NALF1: variants seen among roughly 807,000 people sequenced by gnomAD.
The protein encoded by NALF1 is NALCN channel auxiliary factor 1.
A neutral mutation model predicts 48.4 loss-of-function variants in NALF1; 3 were observed. The ratio of observed to expected loss-of-function variants is 0.06; its 90% CI spans 0.03 to 0.16. The LOEUF is 0.16. NALF1 is among the 10% of genes least tolerant of loss of function. The pLI is 1.00. For missense variants in NALF1, 526 were observed against 571.5 expected (o/e 0.92, Z 0.81); for synonymous variants, 262 against 245.7 (o/e 1.07, Z -0.62).
At chr13:107,262,496 C>T (rs932976172) in intron 1 of NALF1, among the ~76,000 whole-genome samples, 1 of 152,104 alleles carries the variant, frequency 6.6e-6, no homozygotes, top group African/African-American at 2.4e-5. Flanking sequence ...ATACATCAAA[C>T]CAAAACAATA....
chr13:107,271,774 CTATATATATATA>C (rs397838456), intron 1 of NALF1, among the ~76,000 whole-genome samples: 47 of 27,620 alleles, frequency 1.7e-3, no homozygotes, highest in African/African-American at 3.9e-3. Context: ...TGCTACTGGA[CTATATATATATA>C]TATATATATA....
intron 1 of NALF1, among the ~76,000 whole-genome samples, chr13:107,687,239 C>T (rs947420197): frequency 6.6e-5 from 10 of 151,912 alleles, no homozygotes; most frequent in African/African-American, 2.2e-4. Context: ...TAAGTGGGAG[C>T]TCAAGAGTGG....
intron 1 of NALF1, among the ~76,000 whole-genome samples, chr13:107,702,150 C>T (rs779245088): frequency 1.4e-4 from 21 of 151,984 alleles, no homozygotes; most frequent in Non-Finnish European, 1.6e-4. Flanking sequence ...ATCGAGAGTA[C>T]GGAACTTTGG....
chr13:107,675,606 T>C (rs1881098731), intron 1 of NALF1, among the ~76,000 whole-genome samples: 1 of 152,202 alleles, frequency 6.6e-6, no homozygotes, highest in African/African-American at 2.4e-5. Flanking sequence ...GATATCATGC[T>C]GGCATTAACT....
At chr13:107,672,861 T>C (rs1179304964) in intron 1 of NALF1, among the ~76,000 whole-genome samples, 1 of 152,126 alleles carries the variant, frequency 6.6e-6, no homozygotes, top group Non-Finnish European at 1.5e-5. Flanking sequence ...ACGATGCTCA[T>C]CAATGTTTGA....
intron 1 of NALF1, among the ~76,000 whole-genome samples, chr13:107,390,007 G>C (rs1196442540): frequency 1.3e-5 from 2 of 151,946 alleles, no homozygotes; most frequent in Non-Finnish European, 2.9e-5. Context: ...TCTCAATATA[G>C]CTATATCTAC....
intron 1 of NALF1, among the ~76,000 whole-genome samples, chr13:107,780,563 A>T (rs1877859395): frequency 6.6e-6 from 1 of 150,644 alleles, no homozygotes; most frequent in Admixed American, 6.6e-5. Context: ...CAATGATGTG[A>T]TCTCGGCTCA....
In NALF1 at chr13:107,303,117, T is replaced by G. The variant is rs576668581; in HGVS notation, c.916-92362A>C. ...TATGAAGTGGTGCCTCACTGTCATTTTTATTCGACTTCCCTAATGTCTGAT... is the reference window on the plus strand; with the variant it reads ...TATGAAGTGGTGCCTCACTGTCATTGTTATTCGACTTCCCTAATGTCTGAT... On this transcript the variant is annotated intron_variant, in intron 1 of 2. Coordinates refer to ENST00000375915, the MANE Select transcript of NALF1 (RefSeq NM_001080396.3). Among the ~76,000 whole-genome samples, 133 of 152,320 alleles carry G rather than the reference T, an allele frequency of 8.7e-4. 1 individual carries two copies. The highest frequency in any genetic ancestry group is 3.0e-3 in the African/African-American group (123 of 41,568).
chr13:107,395,919 C>T (rs986988277), intron 1 of NALF1, among the ~76,000 whole-genome samples: 5 of 151,992 alleles, frequency 3.3e-5, no homozygotes, highest in Non-Finnish European at 7.4e-5. Context: ...TCTTTAGAGA[C>T]CCTATCTACA....
At chr13:107,319,897 A>C (rs72650534) in intron 1 of NALF1, among the ~76,000 whole-genome samples, 6,905 of 152,198 alleles carry the variant, frequency 0.045, 235 homozygotes, top group East Asian at 0.19. Flanking sequence ...AGCCACCACT[A>C]ATCTAACGAG....
chr13:107,423,017 C>G (rs1308674490), intron 1 of NALF1, among the ~76,000 whole-genome samples: 1 of 152,124 alleles, frequency 6.6e-6, no homozygotes, highest in Non-Finnish European at 1.5e-5. Context: ...CTATTGTGAC[C>G]TTCTGGCCTC....
chr13:107,227,892 C>A (rs1486634115), intron 1 of NALF1, among the ~76,000 whole-genome samples: 2 of 152,146 alleles, frequency 1.3e-5, no homozygotes, highest in African/African-American at 2.4e-5. Flanking sequence ...ATAATCAAGT[C>A]TAACAAGACT....
intron 2 of NALF1, among the ~76,000 whole-genome samples, chr13:107,192,535 G>A (rs1437937280): frequency 6.6e-6 from 1 of 152,138 alleles, no homozygotes; most frequent in African/African-American, 2.4e-5. Context: ...TACATCAAAG[G>A]TTAGTCTTAG....
intron 1 of NALF1, among the ~76,000 whole-genome samples, chr13:107,340,444 C>T (rs976998722): frequency 7.4e-6 from 1 of 134,242 alleles, no homozygotes; most frequent in Non-Finnish European, 1.6e-5. Context: ...CCTGACCTTT[C>T]TCTTTCTTTC....
chr13:107,535,738 T>C (rs1369483188), intron 1 of NALF1, among the ~76,000 whole-genome samples: 6 of 152,298 alleles, frequency 3.9e-5, no homozygotes, highest in Non-Finnish European at 5.9e-5. Context: ...TTAAAGTTTA[T>C]ATGGAACCAA....
intron 1 of NALF1, among the ~76,000 whole-genome samples, chr13:107,776,257 C>T (rs1182933212): frequency 6.6e-6 from 1 of 152,132 alleles, no homozygotes; most frequent in Non-Finnish European, 1.5e-5. Context: ...TCTAGTCCTG[C>T]TCCATCTCTC....
intron 1 of NALF1, among the ~76,000 whole-genome samples, chr13:107,455,157 G>A (rs1394369798): frequency 6.6e-6 from 1 of 152,040 alleles, no homozygotes; most frequent in African/African-American, 2.4e-5. Flanking sequence ...ATGTAAGATG[G>A]TGCCTGCTTC....
At chr13:107,331,993 A>T (rs1305088644) in intron 1 of NALF1, among the ~76,000 whole-genome samples, 1 of 152,176 alleles carries the variant, frequency 6.6e-6, no homozygotes, top group Non-Finnish European at 1.5e-5. Context: ...TTGAAAATAG[A>T]TTCATAAAAT....
chr13:107,634,655 G>A lies in NALF1; in HGVS notation c.915+231027C>T, dbSNP rs750317084. ...GAAATGATATGAAAACAGATGGAAAGGTAGTGGGTTTTTTCCACATTTCAG... is the reference window on the plus strand; with the variant it reads ...GAAATGATATGAAAACAGATGGAAAAGTAGTGGGTTTTTTCCACATTTCAG... On this transcript the variant is annotated intron_variant, in intron 1 of 2. Coordinates refer to ENST00000375915, the MANE Select transcript of NALF1 (RefSeq NM_001080396.3). Among the ~76,000 whole-genome samples, 84 of 152,006 alleles carry A rather than the reference G, an allele frequency of 5.5e-4. 1 individual carries two copies. The highest frequency in any genetic ancestry group is 1.6e-4 in the Non-Finnish European group (11 of 67,994).
Sources: allele counts gnomAD v4.1 joint callset (sites outside exome capture counted in the v4.1 genomes callset), GRCh38; gene constraint gnomAD v4.1.1; transcripts MANE v1.5; gene names NCBI Gene and HGNC (gene_info 2026-07-23, HGNC 2026-07-21).